CHRNA5: variants seen among roughly 807,000 people sequenced by gnomAD.
CHRNA5 encodes cholinergic receptor nicotinic alpha 5 subunit.
In CHRNA5, 28 loss-of-function variants were observed where a neutral mutation model predicts 41.2. That is an observed-to-expected ratio of 0.68 (90% CI 0.50 to 0.93). CHRNA5 has a LOEUF of 0.93. Ranked by LOEUF, CHRNA5 falls within the 40% of genes least tolerant of loss-of-function variation. CHRNA5 has a pLI of 0.00. For missense variants in CHRNA5, 481 were observed against 581.9 expected (o/e 0.83, Z 1.78); for synonymous variants, 188 against 205.8 (o/e 0.91, Z 0.74).
At chr15:78,567,768 A>G (rs564818750) in intron 1 of CHRNA5, among the ~76,000 whole-genome samples, 2 of 152,206 alleles carry the variant, frequency 1.3e-5, no homozygotes, top group African/African-American at 4.8e-5. Flanking sequence ...GGGCCATTAA[A>G]GGATCCCCCT....
At chr15:78,584,231 T>A (rs1479302496) in intron 2 of CHRNA5, among the ~76,000 whole-genome samples, 1 of 152,254 alleles carries the variant, frequency 6.6e-6, no homozygotes, top group African/African-American at 2.4e-5. Flanking sequence ...GAATCATATT[T>A]GGTGGATTCC....
At chr15:78,592,532 C>T (rs998312391) in intron 5 of CHRNA5, among the ~76,000 whole-genome samples, 1 of 152,080 alleles carries the variant, frequency 6.6e-6, no homozygotes, top group Non-Finnish European at 1.5e-5. Context: ...GTGGTGGCTC[C>T]GAGCTGCTGA....
At chr15:78,587,418 A>C (rs1011423356) in intron 3 of CHRNA5, among the ~76,000 whole-genome samples, 1 of 151,940 alleles carries the variant, frequency 6.6e-6, no homozygotes, top group African/African-American at 2.4e-5. Context: ...AGCCATGTGT[A>C]TATCTGGGGA....
chr15:78,568,302 G>A (rs572469413), intron 1 of CHRNA5, among the ~76,000 whole-genome samples: 1 of 152,144 alleles, frequency 6.6e-6, no homozygotes, highest in East Asian at 1.9e-4. Flanking sequence ...AGTACATCAA[G>A]ATAATACAAG....
chr15:78,573,533 A>G (rs1004301658), intron 1 of CHRNA5, among the ~76,000 whole-genome samples: 2 of 152,226 alleles, frequency 1.3e-5, no homozygotes, highest in South Asian at 4.1e-4. Context: ...TGAATTAACG[A>G]ATTGAACAAG....
intron 1 of CHRNA5, among the ~76,000 whole-genome samples, chr15:78,569,413 A>G (rs1326461710): frequency 1.3e-5 from 2 of 151,782 alleles, no homozygotes; most frequent in African/African-American, 4.8e-5. Flanking sequence ...GTCGACAATT[A>G]GAGTTGTTAA....
chr15:78,571,237 T>C (rs546808127), intron 1 of CHRNA5, among the ~76,000 whole-genome samples: 2 of 152,352 alleles, frequency 1.3e-5, no homozygotes, highest in East Asian at 1.9e-4. Context: ...AAAGTAATTA[T>C]GGAAATAGTG....
At position 78,586,665 on chromosome 15, in the gene CHRNA5, GA is replaced by G. The variant is rs1214262836; in HGVS notation, c.280del (p.Thr94GlnfsTer6). 6.3e-7 allele frequency: 1 copy of G among 1,599,006 alleles called. No homozygotes were observed. Among genetic ancestry groups the G allele is most frequent in the South Asian group, 1.2e-5 (1 of 86,642 alleles). ...TAAAGGATGAGAAAAATCAGTTAAT[GA>G]CAACAAACGTCTGGTTGAAACAGGT... is the stretch of plus-strand genomic sequence containing the variant. On this transcript the variant is annotated frameshift_variant, in exon 3 of 6. Coordinates refer to ENST00000299565, the Ensembl canonical transcript of CHRNA5. LOFTEE classifies it high-confidence loss of function.
intron 1 of CHRNA5, among the ~76,000 whole-genome samples, chr15:78,574,176 T>C (rs750344672): frequency 6.7e-5 from 10 of 149,282 alleles, no homozygotes; most frequent in Non-Finnish European, 1.3e-4. Context: ...AGGTCGGGAG[T>C]TCAAAACCAG....
chr15:78,569,819 T>C (rs1290385081), intron 1 of CHRNA5, among the ~76,000 whole-genome samples: 3 of 151,898 alleles, frequency 2.0e-5, no homozygotes, highest in Non-Finnish European at 2.9e-5. Context: ...TTTTTTGTTT[T>C]TGTTTTTGTT....
intron 1 of CHRNA5, among the ~76,000 whole-genome samples, chr15:78,575,304 C>T (rs2052847013): frequency 6.6e-6 from 1 of 152,014 alleles, no homozygotes; most frequent in African/African-American, 2.4e-5. Context: ...CACATTTATA[C>T]CTTTGTTAGG....
intron 2 of CHRNA5, among the ~76,000 whole-genome samples, chr15:78,585,336 C>T (rs1157332957): frequency 6.6e-6 from 1 of 152,152 alleles, no homozygotes; most frequent in Non-Finnish European, 1.5e-5. Flanking sequence ...TGCCTGCATC[C>T]TCAGGGGTAT....
intron 1 of CHRNA5, among the ~76,000 whole-genome samples, chr15:78,567,961 GCTGT>G (rs1430048571): frequency 5.9e-5 from 9 of 152,320 alleles, no homozygotes; most frequent in Middle Eastern, 3.4e-3. Flanking sequence ...CCTGCCACTC[GCTGT>G]CTGTGTTTCC....
At chr15:78,566,106 A>G (rs1459456481) in intron 1 of CHRNA5, among the ~76,000 whole-genome samples, 1 of 152,056 alleles carries the variant, frequency 6.6e-6, no homozygotes, top group Non-Finnish European at 1.5e-5. Context: ...CAACTTTTTC[A>G]GTAAAAGATG....
rs1373175814 is a variant in CHRNA5, at chr15:78,581,013, C to T, written c.258+51C>T. The T allele has an allele frequency of 3.2e-6, 5 of 1,565,178 alleles. No homozygotes were observed. The Admixed American group carries it at 8.6e-5, about 27-fold the overall frequency. On this transcript the variant is annotated intron_variant, in intron 2 of 5. Coordinates refer to ENST00000299565, the Ensembl canonical transcript of CHRNA5. The stretch of plus-strand genomic sequence containing the variant: ...CAATTTCCCACAGATTTAGTGAGAG[C>T]CTGGTGTGTGCCCAGGCACTGTGCT...
intron 2 of CHRNA5, among the ~76,000 whole-genome samples, chr15:78,583,593 G>A (rs2052932416): frequency 6.6e-6 from 1 of 152,066 alleles, no homozygotes; most frequent in Non-Finnish European, 1.5e-5. Context: ...TACTCGGGAG[G>A]CCGAGGCAGG....
At chr15:78,593,091 GGTT>G (rs1377177829) in exon 6 of CHRNA5, 1 of 1,602,404 alleles carries the variant, frequency 6.2e-7, no homozygotes, top group Admixed American at 1.7e-5. Context: ...TTTCCTAACA[GGTT>G]GTTGAAGATT....
intron 2 of CHRNA5, among the ~76,000 whole-genome samples, chr15:78,585,749 G>C (rs1371633123): frequency 8.3e-6 from 1 of 121,070 alleles, no homozygotes; most frequent in African/African-American, 3.2e-5. Flanking sequence ...CGTATTCAAG[G>C]CTGCCAATAT....
At chr15:78,581,028 G>C in intron 2 of CHRNA5, 66 bp downstream of exon 2, 1 of 1,522,402 alleles carries the variant, frequency 6.6e-7, no homozygotes, top group Middle Eastern at 1.7e-4. Flanking sequence ...TGTGTGCCCA[G>C]GCACTGTGCT....
Sources: gnomAD v4.1 joint callset for allele counts (sites outside exome capture counted in the v4.1 genomes callset) on GRCh38, gnomAD v4.1.1 for gene constraint, MANE v1.5 for transcripts, NCBI Gene and HGNC (gene_info 2026-07-23, HGNC 2026-07-21) for gene names.